The following NDST3 variants were observed in gnomAD, a reference collection of about 807,000 sequenced individuals.
The protein encoded by NDST3 is bifunctional heparan sulfate N-deacetylase/N-sulfotransferase 3.
Under a neutral mutation model 96.1 loss-of-function variants are expected in NDST3, and 58 were observed. That is an observed-to-expected ratio of 0.60 (90% CI 0.49 to 0.75). The LOEUF (loss-of-function observed/expected upper bound fraction) is 0.75, where lower values mean the gene tolerates loss of function less well. NDST3 is among the 30% of genes least tolerant of loss of function. The pLI is 0.00. For synonymous variants in NDST3, 333 were observed against 359.7 expected, an observed-to-expected ratio of 0.93 and a Z score of 0.84; for missense variants, 788 against 1,034.2, an observed-to-expected ratio of 0.76 and a Z score of 3.27.
At chr4:118,074,427 C>T (rs1165394584) in intron 2 of NDST3, among the ~76,000 whole-genome samples, 1 of 152,138 alleles carries the variant, frequency 6.6e-6, no homozygotes, top group Non-Finnish European at 1.5e-5. Flanking sequence ...TCTGGGTGCT[C>T]TACTGTTAGA....
At position 118,239,028 on chromosome 4, in the gene NDST3, A is replaced by G. The variant is rs144331644; in HGVS notation, c.2119-1496A>G. Among the ~76,000 whole-genome samples the G allele has an allele frequency of 2.8e-3, 422 of 152,364 alleles. 1 individual carries two copies. The highest frequency in any genetic ancestry group is 9.5e-3 in the African/African-American group (395 of 41,582). On this transcript the variant is annotated intron_variant, in intron 10 of 13. Coordinates refer to ENST00000296499, the MANE Select transcript of NDST3 (RefSeq NM_004784.3). ...TATTTTCTTGGAAACAAAAATGTTA[A>G]GACAAACGTGGAATGTTCTATGTAC... is the stretch of plus-strand genomic sequence containing the variant.
rs181366854 is a variant in NDST3 at position 118,052,693 on chromosome 4, A to G, written c.-155-1063A>G. Among the ~76,000 whole-genome samples, 415 of 152,120 alleles carry G rather than the reference A, an allele frequency of 2.7e-3. 2 individuals carry two copies. Among genetic ancestry groups the G allele is most frequent in the African/African-American group, 9.4e-3 (392 of 41,542 alleles). ...TATTGTTCAGTTGACAGAGATATAT[A>G]CACAGTTTGCTTAACCTTCATGCAC... On this transcript the variant is annotated intron_variant, in intron 1 of 13. Transcript: ENST00000296499.
intron 3 of NDST3, among the ~76,000 whole-genome samples, chr4:118,112,905 A>G (rs992225321): frequency 2.0e-4 from 31 of 152,300 alleles, no homozygotes; most frequent in Non-Finnish European, 4.4e-4. Context: ...ATGAGTTAAT[A>G]TAATGATTTG....
In NDST3 at chr4:118,054,200, T is replaced by C. The variant is rs140722603; in HGVS notation, c.290T>C (p.Met97Thr). 2.1e-5 allele frequency: 34 copies of C among 1,612,974 alleles called. No individual in the cohort carries two copies. The highest frequency in any genetic ancestry group is 2.5e-5 in the Non-Finnish European group (30 of 1,179,418). Residue 97 changes from methionine to threonine, a missense_variant, in exon 2 of 14, where the codon ATG (methionine) becomes ACG (threonine). Around this residue, in one of 3 missense-constraint regions of NDST3, gnomAD observed 234 missense variants for 256.9 expected, o/e 0.91. Transcript: ENST00000296499. ...QYSSLGQDII[M>T]ILESSRFQYH... ...TCATCTCTTGGTCAAGACATCATTA[T>C]GATTCTAGAATCAAGTAGATTCCAG...
intron 4 of NDST3, among the ~76,000 whole-genome samples, chr4:118,121,623 G>T (rs111908713): frequency 0.021 from 3,124 of 152,300 alleles, 40 homozygotes; most frequent in South Asian, 0.034. Flanking sequence ...AAAGAAGTGA[G>T]ATGTGAAAAG....
chr4:118,119,077 A>T (rs1731340643), intron 4 of NDST3, among the ~76,000 whole-genome samples: 1 of 152,204 alleles, frequency 6.6e-6, no homozygotes, highest in Non-Finnish European at 1.5e-5. Flanking sequence ...TAGTAGAACA[A>T]TGTTCCTGAT....
At chr4:118,252,749 C>T (rs559546867) in intron 12 of NDST3, among the ~76,000 whole-genome samples, 8 of 152,056 alleles carry the variant, frequency 5.3e-5, no homozygotes, top group South Asian at 4.2e-4. Flanking sequence ...AAATTAGCTG[C>T]GCATGATGGC....
intron 8 of NDST3, among the ~76,000 whole-genome samples, chr4:118,231,814 G>A (rs1740312825): frequency 6.6e-6 from 1 of 152,102 alleles, no homozygotes; most frequent in African/African-American, 2.4e-5. Context: ...TTGACAAACT[G>A]AACCCAAACT....
In NDST3 at chr4:118,054,736, T is replaced by C. The variant is rs1725299835; in HGVS notation, c.826T>C (p.Leu276=). Residue 276 remains leucine, a synonymous_variant, in exon 2 of 14, where the codon TTG becomes CTG. Transcript: ENST00000296499. ...TCAAAGGGTTCTTTTTGGCAACAAC[T>C]TGAACTTTTGGCTGCACAAGCTCAT... ...GIQRVLFGNN[L]NFWLHKLIFI... is the part of the protein sequence containing the mutation. The C allele has an allele frequency of 5.0e-6, 8 of 1,613,428 alleles. No individual in the cohort carries two copies. Among genetic ancestry groups the C allele is most frequent in the Non-Finnish European group, 5.9e-6 (7 of 1,179,496 alleles).
intron 6 of NDST3, among the ~76,000 whole-genome samples, chr4:118,209,151 T>C (rs1189888595): frequency 5.3e-5 from 8 of 152,194 alleles, no homozygotes. Flanking sequence ...AGGGAGTGAT[T>C]TAAAACAAAG....
rs1738364907 is a variant in NDST3 at position 118,205,323 on chromosome 4, AT to A, written c.1540-19166del. Among the ~76,000 whole-genome samples, 2 of 144,600 alleles carry A rather than the reference AT, an allele frequency of 1.4e-5. 1 individual carries two copies. The highest frequency in any genetic ancestry group is 3.1e-5 in the Non-Finnish European group (2 of 65,290). The allele number at this position is 144,600 out of a possible 152,430, so 94.9% of individuals were successfully genotyped here. ...ATCATCTATTTACAGAATGATAGAC[AT>A]TGCCATTGAGTTCATATGCTAGATA... On this transcript the variant is annotated intron_variant, in intron 6 of 13. Transcript: ENST00000296499.
chr4:118,124,905 G>A (rs982477720), intron 4 of NDST3, among the ~76,000 whole-genome samples: 5 of 151,934 alleles, frequency 3.3e-5, no homozygotes, highest in Non-Finnish European at 7.4e-5. Flanking sequence ...GCTATCTTGT[G>A]AGACAAAGAA....
intron 4 of NDST3, among the ~76,000 whole-genome samples, chr4:118,127,491 G>A (rs1020148799): frequency 1.3e-5 from 2 of 151,954 alleles, no homozygotes; most frequent in East Asian, 3.8e-4. Flanking sequence ...TGTCAAAAAT[G>A]AGTTCACTGT....
intron 6 of NDST3, among the ~76,000 whole-genome samples, chr4:118,161,260 TGAGGTG>T (rs1418344380): frequency 6.6e-6 from 1 of 152,186 alleles, no homozygotes; most frequent in Non-Finnish European, 1.5e-5. Context: ...CCCGGCCGTG[TGAGGTG>T]TCAGTCTGCC....
chr4:118,151,842 C>G (rs1734419783), intron 6 of NDST3, among the ~76,000 whole-genome samples: 1 of 152,080 alleles, frequency 6.6e-6, no homozygotes, highest in Non-Finnish European at 1.5e-5. Flanking sequence ...GTAGGGGTCA[C>G]CTTCCTCAGG....
chr4:118,239,695 C>A (rs1365983866), intron 10 of NDST3, among the ~76,000 whole-genome samples: 1 of 152,054 alleles, frequency 6.6e-6, no homozygotes, highest in Non-Finnish European at 1.5e-5. Flanking sequence ...ACAAATAAAT[C>A]ACAGTGGCAA....
At chr4:118,103,907 AC>A (rs1317765979) in intron 2 of NDST3, among the ~76,000 whole-genome samples, 2 of 152,166 alleles carry the variant, frequency 1.3e-5, no homozygotes, top group African/African-American at 2.4e-5. Flanking sequence ...CTAAATTTGA[AC>A]CCAGAAGTTC....
intron 2 of NDST3, among the ~76,000 whole-genome samples, chr4:118,083,305 T>A (rs1376465605): frequency 1.3e-5 from 2 of 152,160 alleles, no homozygotes; most frequent in African/African-American, 4.8e-5. Context: ...AAATGGAAAT[T>A]CAATTTTTAG....
At chr4:118,150,430 A>G (rs1258937812) in intron 6 of NDST3, among the ~76,000 whole-genome samples, 2 of 152,094 alleles carry the variant, frequency 1.3e-5, no homozygotes, top group Non-Finnish European at 1.5e-5. Context: ...AAAAGAAACT[A>G]CCATCAGAGT....
Sources: gnomAD v4.1 joint callset for allele counts (sites outside exome capture counted in the v4.1 genomes callset) on GRCh38, gnomAD v4.1.1 for gene constraint, gnomAD v4.1.1 regional missense constraint, MANE v1.5 for transcripts, NCBI Gene and HGNC (gene_info 2026-07-23, HGNC 2026-07-21) for gene names.